Variants in SRGAP1 observed in about 807,000 individuals in gnomAD.
SRGAP1 encodes SLIT-ROBO Rho GTPase-activating protein 1.
Under a neutral mutation model 121.9 loss-of-function variants are expected in SRGAP1, and 43 were observed. The ratio of observed to expected loss-of-function variants is 0.35; its 90% CI spans 0.28 to 0.46. The LOEUF (loss-of-function observed/expected upper bound fraction) is 0.46, where lower values mean the gene tolerates loss of function less well. Ranked by LOEUF, SRGAP1 falls within the 20% of genes least tolerant of loss-of-function variation. The probability of loss-of-function intolerance (pLI) is 1.00; values close to 1 mark genes in which losing one functional copy is unlikely to be tolerated. For synonymous variants in SRGAP1, 447 were observed against 485.4 expected, an observed-to-expected ratio of 0.92 and a Z score of 1.04; for missense variants, 1,102 against 1,350.9, an observed-to-expected ratio of 0.82 and a Z score of 2.89.
chr12:64,098,361 A>T (rs557216592), intron 15 of SRGAP1, among the ~76,000 whole-genome samples: 1 of 127,476 alleles, frequency 7.8e-6, no homozygotes, highest in East Asian at 2.2e-4. Context: ...AGCTAGAGTT[A>T]AAAAAAAAAA....
rs2034417458 is a variant in SRGAP1 at position 64,016,889 on chromosome 12, T to C, written c.427-61T>C. ...GTTAGATACATTCCTCTATTTTCAG[T>C]TAGTGGACTTTTTAAGATGTAAATA... is the stretch of plus-strand genomic sequence containing the variant. On this transcript the variant is annotated intron_variant, in intron 3 of 21. Transcript: ENST00000355086. 1.1e-5 allele frequency: 10 copies of C among 906,240 alleles called. No homozygotes were observed. In the South Asian group the frequency reaches 1.5e-4, roughly 14 times the overall value. 56.1% of individuals were successfully genotyped at this position (906,240 alleles called of 1,614,324 possible).
chr12:64,044,699 T>TTTTTTTTTTTTTTTTG (rs1463008430), intron 6 of SRGAP1, among the ~76,000 whole-genome samples: 2 of 138,596 alleles, frequency 1.4e-5, no homozygotes, highest in Admixed American at 1.5e-4. Flanking sequence ...TTTTTTTTTT[T>TTTTTTTTTTTTTTTTG]AAGACAGAGT....
At chr12:63,929,336 G>A (rs927476482) in intron 1 of SRGAP1, among the ~76,000 whole-genome samples, 8 of 152,136 alleles carry the variant, frequency 5.3e-5, no homozygotes, top group Non-Finnish European at 8.8e-5. Context: ...TACCTTATAA[G>A]GTCATTACAA....
intron 1 of SRGAP1, among the ~76,000 whole-genome samples, chr12:63,943,331 A>G (rs1283061516): frequency 6.6e-6 from 1 of 152,224 alleles, no homozygotes; most frequent in Non-Finnish European, 1.5e-5. Flanking sequence ...CATCAAAGAG[A>G]AATCTTTTTA....
At chr12:64,107,748 G>A (rs11835401) in intron 15 of SRGAP1, among the ~76,000 whole-genome samples, 14,245 of 152,184 alleles carry the variant, frequency 0.094, 1,577 homozygotes, top group African/African-American at 0.27. Context: ...AAGCAATTAA[G>A]AACAATATGG....
intron 1 of SRGAP1, among the ~76,000 whole-genome samples, chr12:63,915,168 T>A (rs1357262560): frequency 2.0e-5 from 3 of 152,228 alleles, no homozygotes; most frequent in African/African-American, 4.8e-5. Context: ...TGCATAAATT[T>A]AAAAATTAAT....
chr12:64,018,128 C>T (rs1467915101), intron 4 of SRGAP1, among the ~76,000 whole-genome samples: 1 of 152,118 alleles, frequency 6.6e-6, no homozygotes, highest in Non-Finnish European at 1.5e-5. Flanking sequence ...CTTACTCTGT[C>T]ACCCAGGCTG....
In SRGAP1 at chr12:64,148,960, G is replaced by A. The variant is rs777824779; in HGVS notation, c.*6288G>A. The A allele has an allele frequency of 1.3e-5, 2 of 152,194 alleles. No individual in the cohort carries two copies. Among genetic ancestry groups the A allele is most frequent in the Non-Finnish European group, 2.9e-5 (2 of 68,044 alleles). The allele number at this position is 152,194 out of a possible 1,614,324, so 9.4% of individuals were successfully genotyped here. A position where few individuals can be genotyped will look rare whatever the true frequency, so the allele number is the denominator to read the frequency against. On this transcript the variant is annotated 3_prime_UTR_variant, in exon 22 of 22. Transcript: ENST00000355086. ...AGCTTTCTATAAATGGGTTCATACA[G>A]TATGTAGATTTTGTGTCTGGCTCCT... is the stretch of plus-strand genomic sequence containing the variant.
intron 1 of SRGAP1, among the ~76,000 whole-genome samples, chr12:63,854,715 G>T (rs867797882): frequency 6.6e-6 from 1 of 151,954 alleles, no homozygotes; most frequent in African/African-American, 2.4e-5. Context: ...GCTTTCTCTG[G>T]TGCATAATAT....
intron 1 of SRGAP1, among the ~76,000 whole-genome samples, chr12:63,974,549 T>C (rs2033043213): frequency 6.6e-6 from 1 of 152,164 alleles, no homozygotes; most frequent in East Asian, 1.9e-4. Flanking sequence ...TTTCTTCTGG[T>C]CTTACTTTAA....
At chr12:64,121,301 C>T (rs2036602830) in intron 18 of SRGAP1, among the ~76,000 whole-genome samples, 1 of 152,200 alleles carries the variant, frequency 6.6e-6, no homozygotes, top group South Asian at 2.1e-4. Flanking sequence ...GCCACCCACG[C>T]CCCGCCTTCC....
chr12:64,081,819 T>C (rs1420618860), intron 10 of SRGAP1: 1 of 151,500 alleles, frequency 6.6e-6, no homozygotes, highest in East Asian at 1.9e-4. Flanking sequence ...GTACAGTCAA[T>C]GTGGCAAACA....
intron 4 of SRGAP1, among the ~76,000 whole-genome samples, chr12:64,042,051 A>G (rs939336803): frequency 1.3e-5 from 2 of 151,746 alleles, no homozygotes; most frequent in African/African-American, 2.4e-5. Flanking sequence ...ATGTGCCAAC[A>G]CACTTGGCTA....
intron 1 of SRGAP1, among the ~76,000 whole-genome samples, chr12:63,912,604 A>G (rs1461492115): frequency 1.4e-5 from 2 of 146,072 alleles, no homozygotes; most frequent in Admixed American, 6.9e-5. Context: ...ATGGAACAAG[A>G]CTCCATTTTA....
intron 8 of SRGAP1, among the ~76,000 whole-genome samples, chr12:64,066,097 A>G (rs1175376355): frequency 1.3e-5 from 2 of 152,228 alleles, no homozygotes; most frequent in South Asian, 2.1e-4. Context: ...AAAGTTAACT[A>G]TTGGTCAGTG....
At chr12:63,860,699 G>C (rs1899414588) in intron 1 of SRGAP1, among the ~76,000 whole-genome samples, 1 of 152,096 alleles carries the variant, frequency 6.6e-6, no homozygotes, top group African/African-American at 2.4e-5. Flanking sequence ...TGACTTGCCA[G>C]AAGTATGTTT....
At position 64,150,704 on chromosome 12, in the gene SRGAP1, A is replaced by C. The variant is rs2037108235; in HGVS notation, c.*8032A>C. Reference sequence around the variant, plus strand: ...TGTAATCCCAGCACTTTGAGAGGCCAAGGCAGGAGGATCAAAAAATGCGAA... The same window carrying C: ...TGTAATCCCAGCACTTTGAGAGGCCCAGGCAGGAGGATCAAAAAATGCGAA... On this transcript the variant is annotated 3_prime_UTR_variant, in exon 22 of 22. Coordinates refer to ENST00000355086, the MANE Select transcript of SRGAP1 (RefSeq NM_020762.4). 6.6e-6 allele frequency: 1 copy of C among 152,044 alleles called. No individual in the cohort carries two copies. 9.4% of individuals were successfully genotyped at this position (152,044 alleles called of 1,614,324 possible).
chr12:63,990,475 T>C (rs1472472725), intron 3 of SRGAP1, among the ~76,000 whole-genome samples: 2 of 152,120 alleles, frequency 1.3e-5, no homozygotes, highest in African/African-American at 4.8e-5. Context: ...GAGGTTGCAG[T>C]GAGCCAAGAT....
chr12:63,933,445 G>A (rs1273148616), intron 1 of SRGAP1, among the ~76,000 whole-genome samples: 6 of 151,910 alleles, frequency 3.9e-5, no homozygotes, highest in Admixed American at 3.3e-4. Context: ...GTAAATTGTG[G>A]GCATGGGGAC....
Sources: allele counts gnomAD v4.1 joint callset (sites outside exome capture counted in the v4.1 genomes callset), GRCh38; gene constraint gnomAD v4.1.1; transcripts MANE v1.5; gene names NCBI Gene and HGNC (gene_info 2026-07-23, HGNC 2026-07-21).